EFCAB3: variants seen among roughly 807,000 people sequenced by gnomAD.
The protein encoded by EFCAB3 is EF-hand calcium binding domain 3.
In EFCAB3, 36 loss-of-function variants were observed where a neutral mutation model predicts 42.2. That is an observed-to-expected ratio of 0.85 (90% CI 0.65 to 1.13). The LOEUF (loss-of-function observed/expected upper bound fraction) is 1.13. Ranked by LOEUF, EFCAB3 falls within the 50% of genes most tolerant of loss-of-function variation. EFCAB3 has a pLI of 0.00. For synonymous variants in EFCAB3, 170 were observed against 172.8 expected, an observed-to-expected ratio of 0.98 and a Z score of 0.13; for missense variants, 418 against 505.1, an observed-to-expected ratio of 0.83 and a Z score of 1.65.
intron 6 of EFCAB3, among the ~76,000 whole-genome samples, chr17:62,398,898 A>G (rs2070377240): frequency 6.6e-6 from 1 of 152,190 alleles, no homozygotes; most frequent in Admixed American, 6.5e-5. Context: ...TTTGATAGGT[A>G]TTCACATAGT....
intron 3 of EFCAB3, 87 bp from the exon 4 acceptor site, chr17:62,391,735 G>A: frequency 7.6e-7 from 1 of 1,309,710 alleles, no homozygotes. Flanking sequence ...ATGATCTCCA[G>A]TCAACTATAT....
rs1354930248 is a variant in EFCAB3 at position 62,392,055 on chromosome 17, A to G, written c.295+90A>G. On this transcript the variant is annotated intron_variant, in intron 4 of 9. Transcript: ENST00000305286. ...TAATGACTGTATAAACATGAGAAACAAATCTTATTTACTTGCCCCCCCAAA... is the reference window on the plus strand; with the variant it reads ...TAATGACTGTATAAACATGAGAAACGAATCTTATTTACTTGCCCCCCCAAA... 4 of 1,295,016 alleles carry G rather than the reference A, an allele frequency of 3.1e-6. No individual in the cohort carries two copies. The African/African-American group carries it at 5.9e-5, about 19-fold the overall frequency. The allele number at this position is 1,295,016 out of a possible 1,614,324, so 80.2% of individuals were successfully genotyped here. A position where few individuals can be genotyped will look rare whatever the true frequency, so the allele number is the denominator to read the frequency against.
At chr17:62,392,825 T>C (rs1275844175) in intron 4 of EFCAB3, among the ~76,000 whole-genome samples, 1 of 151,844 alleles carries the variant, frequency 6.6e-6, no homozygotes, top group African/African-American at 2.4e-5. Context: ...TTTTAGTAGA[T>C]ACAGGGTTTC....
At chr17:62,395,575 G>A (rs2070342115) in intron 6 of EFCAB3, among the ~76,000 whole-genome samples, 1 of 152,026 alleles carries the variant, frequency 6.6e-6, no homozygotes, top group Non-Finnish European at 1.5e-5. Flanking sequence ...AACTACCAGG[G>A]GCTCTCAAAA....
At chr17:62,394,516 T>C (rs1205242098) in intron 5 of EFCAB3, among the ~76,000 whole-genome samples, 4 of 152,200 alleles carry the variant, frequency 2.6e-5, no homozygotes, top group African/African-American at 9.6e-5. Context: ...AATTTTTCTA[T>C]TATTTCTCCC....
chr17:62,392,724 G>A (rs774331360), intron 4 of EFCAB3, among the ~76,000 whole-genome samples: 1 of 151,790 alleles, frequency 6.6e-6, no homozygotes, highest in African/African-American at 2.4e-5. Context: ...TGCAACCTCC[G>A]CCTCCTGGGT....
intron 6 of EFCAB3, among the ~76,000 whole-genome samples, chr17:62,399,447 C>T (rs553561029): frequency 6.6e-5 from 10 of 150,618 alleles, no homozygotes; most frequent in Non-Finnish European, 7.4e-5. Context: ...GGATTACAGG[C>T]GTGAGCCACC....
chr17:62,392,472 C>T (rs994283468), intron 4 of EFCAB3, among the ~76,000 whole-genome samples: 3 of 151,988 alleles, frequency 2.0e-5, no homozygotes, highest in African/African-American at 7.2e-5. Flanking sequence ...TCCTGATGTA[C>T]AAAAGCAGTA....
chr17:62,408,471 C>T (rs1421207979), intron 8 of EFCAB3, among the ~76,000 whole-genome samples: 1 of 152,116 alleles, frequency 6.6e-6, no homozygotes, highest in African/African-American at 2.4e-5. Context: ...AGAATGAAAA[C>T]CAAAATTTTT....
intron 9 of EFCAB3, 91 bp from the exon 10 acceptor site, chr17:62,415,912 G>A: frequency 9.0e-7 from 1 of 1,116,160 alleles, no homozygotes; most frequent in Non-Finnish European, 1.3e-6. Context: ...GAGTAGCCCA[G>A]GGACATAACT....
chr17:62,384,294 G>T (rs1468670326), intron 2 of EFCAB3, among the ~76,000 whole-genome samples: 1 of 152,122 alleles, frequency 6.6e-6, no homozygotes, highest in Non-Finnish European at 1.5e-5. Context: ...CCAAGATAAG[G>T]TCTGAAATTG....
chr17:62,402,158 G>A (rs1316078964), intron 6 of EFCAB3, among the ~76,000 whole-genome samples: 5 of 152,220 alleles, frequency 3.3e-5, no homozygotes, highest in Non-Finnish European at 7.3e-5. Flanking sequence ...AGACTTTGCT[G>A]AAGTTGCTTA....
At position 62,382,973 on chromosome 17, in the gene EFCAB3, T is replaced by A; in HGVS notation, c.-7T>A. On this transcript the variant is annotated 5_prime_UTR_variant, in exon 2 of 10. Transcript: ENST00000305286. Reference sequence around the variant, plus strand: ...TATTCTGAATTCCAGACAGAGTCACTGGCCACATGGCAGTTTCAGAAATTA... The same window carrying A: ...TATTCTGAATTCCAGACAGAGTCACAGGCCACATGGCAGTTTCAGAAATTA... The A allele has an allele frequency of 1.9e-6, 3 of 1,612,896 alleles. No individual in the cohort carries two copies. Among genetic ancestry groups the A allele is most frequent in the Non-Finnish European group, 2.5e-6 (3 of 1,179,670 alleles).
chr17:62,386,477 A>AG (rs1158247300), intron 2 of EFCAB3, among the ~76,000 whole-genome samples: 18 of 152,182 alleles, frequency 1.2e-4, no homozygotes, highest in Non-Finnish European at 2.2e-4. Context: ...TAAAAAAAAA[A>AG]AAGTTGTAAA....
At chr17:62,396,312 A>T (rs4986766) in intron 6 of EFCAB3, among the ~76,000 whole-genome samples, 123,302 of 152,128 alleles carry the variant, frequency 0.81, 51,625 homozygotes, top group Non-Finnish European at 0.92. Flanking sequence ...CCCAGCACTT[A>T]GGGAGGCTGA....
intron 6 of EFCAB3, among the ~76,000 whole-genome samples, chr17:62,403,259 A>C (rs901570537): frequency 6.6e-6 from 1 of 152,104 alleles, no homozygotes; most frequent in Non-Finnish European, 1.5e-5. Context: ...CATTCCCTAC[A>C]TCCAACCAAT....
chr17:62,386,556 T>C (rs1453317790), intron 2 of EFCAB3, among the ~76,000 whole-genome samples: 1 of 152,180 alleles, frequency 6.6e-6, no homozygotes, highest in Non-Finnish European at 1.5e-5. Context: ...GTTTTAAAAT[T>C]TGAAACTCAA....
intron 3 of EFCAB3, among the ~76,000 whole-genome samples, chr17:62,389,017 A>T (rs1041843339): frequency 9.9e-5 from 15 of 152,226 alleles, no homozygotes; most frequent in African/African-American, 3.4e-4. Flanking sequence ...CCCTAGAAAC[A>T]GGGCACAGCA....
At chr17:62,371,109 A>G (rs1161811989) in intron 1 of EFCAB3, among the ~76,000 whole-genome samples, 1 of 151,844 alleles carries the variant, frequency 6.6e-6, no homozygotes, top group African/African-American at 2.4e-5. Context: ...AAAGAAAAAA[A>G]AAAAAGAGCA....
Sources: allele counts gnomAD v4.1 joint callset (sites outside exome capture counted in the v4.1 genomes callset), GRCh38; gene constraint gnomAD v4.1.1; transcripts MANE v1.5; gene names NCBI Gene and HGNC (gene_info 2026-07-23, HGNC 2026-07-21).